DPCD: variants seen among roughly 807,000 people sequenced by gnomAD.
DPCD encodes the protein protein DPCD.
In DPCD, 20 loss-of-function variants were observed where a neutral mutation model predicts 26.4. That is an observed-to-expected ratio of 0.76 (90% CI 0.53 to 1.10). The LOEUF is 1.10. Among genes scored for constraint, DPCD ranks in the 50% least tolerant of loss-of-function variants. DPCD has a pLI of 0.00. For synonymous variants in DPCD, 97 were observed against 94.2 expected, an observed-to-expected ratio of 1.03 and a Z score of -0.17; for missense variants, 202 against 253.9, an observed-to-expected ratio of 0.80 and a Z score of 1.39.
At chr10:101,608,992 C>A in intron 5 of DPCD, 55 bp downstream of exon 5, 1 of 1,414,444 alleles carries the variant, frequency 7.1e-7, no homozygotes, top group Non-Finnish European at 1.0e-6. Context: ...TTCCTCTTTC[C>A]CTGCCCACTT....
chr10:101,599,006 G>C (rs2063673729), intron 2 of DPCD, among the ~76,000 whole-genome samples: 2 of 152,160 alleles, frequency 1.3e-5, no homozygotes, highest in African/African-American at 2.4e-5. Flanking sequence ...TGGAGTCTAA[G>C]GGTGCTTGTT....
chr10:101,590,294 A>G lies in DPCD; in HGVS notation c.64+1894A>G, dbSNP rs574424562. ...TAGGTGCCAGGATGGAAGCGAGAAT[A>G]AAAAGGTCCCTTTTCTCAAGGAGCA... On this transcript the variant is annotated intron_variant, in intron 1 of 5. Transcript: ENST00000370151. Among the ~76,000 whole-genome samples, 5 of 152,272 alleles carry G rather than the reference A, an allele frequency of 3.3e-5. No individual in the cohort carries two copies. The South Asian group carries it at 8.3e-4, about 25-fold the overall frequency.
In DPCD at chr10:101,605,884, C is replaced by T. The variant is rs539929218; in HGVS notation, c.405-2951C>T. On this transcript the variant is annotated intron_variant, in intron 4 of 5. Coordinates refer to ENST00000370151, the MANE Select transcript of DPCD (RefSeq NM_015448.3). Reference sequence around the variant, plus strand: ...CTGTTTACCAGCTTTGTGAGTTGGGCAAGATATCTAACTTTTCTGGGCCTC... The same window carrying T: ...CTGTTTACCAGCTTTGTGAGTTGGGTAAGATATCTAACTTTTCTGGGCCTC... Among the ~76,000 whole-genome samples the T allele has an allele frequency of 2.0e-5, 3 of 152,280 alleles. No homozygotes were observed. In the East Asian group the frequency reaches 5.8e-4, roughly 29 times the overall value.
chr10:101,588,763 GGA>G (rs1410516305), intron 1 of DPCD: 1 of 824,188 alleles, frequency 1.2e-6, no homozygotes, highest in African/African-American at 1.9e-5. Flanking sequence ...ACTTTAGAGA[GGA>G]GAGAGGCCTG....
In DPCD at chr10:101,601,270, A is replaced by C; in HGVS notation, c.338A>C (p.Lys113Thr). The C allele has an allele frequency of 6.2e-7, 1 of 1,613,752 alleles. No homozygotes were observed. Among genetic ancestry groups the C allele is most frequent in the Non-Finnish European group, 8.5e-7 (1 of 1,179,882 alleles). ...QWRIRNLPYP[K>T]DVYSVSVDQK... ...CGGATTCGAAACCTCCCCTATCCTA[A>C]GGATGTCTATAGTGTCTCTGTGGAC... is the stretch of plus-strand genomic sequence containing the variant. Residue 113 changes from lysine (K) to threonine (T), a missense_variant, in exon 4 of 6, where the codon AAG becomes ACG. Lys to Thr is a moderately conservative substitution (Grantham distance 78, BLOSUM62 -1). This residue lies in a region of DPCD where 118 missense variants were observed against 145.1 expected (regional missense o/e 0.81). Transcript: ENST00000370151.
At chr10:101,594,977 G>T (rs1437370724) in intron 2 of DPCD, among the ~76,000 whole-genome samples, 1 of 152,200 alleles carries the variant, frequency 6.6e-6, no homozygotes, top group African/African-American at 2.4e-5. Context: ...ATGAGAGAGG[G>T]AGTAATTCTA....
chr10:101,607,704 C>T (rs570081014), intron 4 of DPCD, among the ~76,000 whole-genome samples: 1 of 151,622 alleles, frequency 6.6e-6, no homozygotes, highest in South Asian at 2.1e-4. Context: ...AAAGCCCCAT[C>T]CTCCCCAGGC....
intron 1 of DPCD, among the ~76,000 whole-genome samples, chr10:101,590,254 T>A (rs1183521245): frequency 6.6e-6 from 1 of 152,094 alleles, no homozygotes; most frequent in Admixed American, 6.6e-5. Context: ...CCTATAACTA[T>A]GTCAGGTACT....
intron 4 of DPCD, among the ~76,000 whole-genome samples, chr10:101,606,894 G>C (rs951892699): frequency 1.3e-5 from 2 of 152,148 alleles, no homozygotes; most frequent in Admixed American, 6.5e-5. Context: ...AGCCTATCGG[G>C]AGCTTCTAAG....
intron 2 of DPCD, 110 bp downstream of exon 2, chr10:101,594,848 G>C: frequency 9.7e-7 from 1 of 1,030,164 alleles, no homozygotes; most frequent in Non-Finnish European, 1.5e-6. Flanking sequence ...CAAATGTAGA[G>C]GCTGGGAGAG....
intron 4 of DPCD, among the ~76,000 whole-genome samples, chr10:101,602,520 C>T (rs1290659144): frequency 6.6e-6 from 1 of 152,206 alleles, no homozygotes; most frequent in Non-Finnish European, 1.5e-5. Context: ...TGCAGTGGGC[C>T]TTGTCTATAA....
chr10:101,588,545 T>G, intron 1 of DPCD, 145 bp downstream of exon 1: 2 of 1,466,382 alleles, frequency 1.4e-6, no homozygotes, highest in Admixed American at 2.5e-5. Context: ...ATGAGGAGAC[T>G]GAGGTTCACA....
chr10:101,594,765 CT>C lies in DPCD; in HGVS notation c.145+30del, dbSNP rs763353617. 3 of 1,604,490 alleles carry C rather than the reference CT, an allele frequency of 1.9e-6. No homozygotes were observed. In the African/African-American group the frequency reaches 4.0e-5, roughly 21 times the overall value. ...TAAGTGACAGAGGCTCCCAGTGGGC[CT>C]TTAGTAATACTTGGGGCTGACATAA... On this transcript the variant is annotated intron_variant, in intron 2 of 5. Transcript: ENST00000370151.
At chr10:101,594,830 G>A in intron 2 of DPCD, 92 bp downstream of exon 2, 2 of 1,238,386 alleles carry the variant, frequency 1.6e-6, no homozygotes, top group South Asian at 2.5e-5. Flanking sequence ...TGAGGTAGGA[G>A]CCCAGATCAA....
intron 2 of DPCD, among the ~76,000 whole-genome samples, chr10:101,599,851 A>T (rs563049737): frequency 1.7e-3 from 266 of 152,324 alleles, no homozygotes; most frequent in South Asian, 3.1e-3. Flanking sequence ...CCGGATTCCA[A>T]ATGCAGCAGG....
chr10:101,605,161 C>T, intron 4 of DPCD: 1 of 1,550,548 alleles, frequency 6.4e-7, no homozygotes, highest in Non-Finnish European at 8.7e-7. Flanking sequence ...GGAGGCTTCT[C>T]TGGACCCCTC....
At chr10:101,590,062 G>GAAAA (rs1564889361) in intron 1 of DPCD, among the ~76,000 whole-genome samples, 1 of 113,806 alleles carries the variant, frequency 8.8e-6, no homozygotes, top group Non-Finnish European at 2.0e-5. Context: ...CAAAAAAACT[G>GAAAA]GAAAAAAAAA....
At chr10:101,594,850 C>G in intron 2 of DPCD, 112 bp downstream of exon 2, 1 of 1,003,438 alleles carries the variant, frequency 1.0e-6, no homozygotes, top group Non-Finnish European at 1.5e-6. Flanking sequence ...AATGTAGAGG[C>G]TGGGAGAGAC....
At chr10:101,608,278 T>C (rs1355252505) in intron 4 of DPCD, among the ~76,000 whole-genome samples, 1 of 152,154 alleles carries the variant, frequency 6.6e-6, no homozygotes, top group East Asian at 1.9e-4. Flanking sequence ...TTTCTCCTAG[T>C]AGATATACTT....
Sources: allele counts gnomAD v4.1 joint callset (sites outside exome capture counted in the v4.1 genomes callset), GRCh38; gene constraint gnomAD v4.1.1; regional missense constraint gnomAD v4.1.1; transcripts MANE v1.5; gene names NCBI Gene and HGNC (gene_info 2026-07-23, HGNC 2026-07-21).